SPIN4: variants seen among roughly 807,000 people sequenced by gnomAD.
SPIN4 encodes spindlin-4.
Under a neutral mutation model 10.4 loss-of-function variants are expected in SPIN4, and 4 were observed. The ratio of observed to expected loss-of-function variants is 0.38; its 90% CI spans 0.19 to 0.88. The LOEUF (loss-of-function observed/expected upper bound fraction) is 0.88. Ranked by LOEUF, SPIN4 falls within the 40% of genes least tolerant of loss-of-function variation. The pLI, the probability that SPIN4 is intolerant of heterozygous loss-of-function variation, is 0.40. For missense variants in SPIN4, 126 were observed against 198.7 expected (o/e 0.63, Z 2.20); for synonymous variants, 71 against 78.4 (o/e 0.91, Z 0.50).
In SPIN4 at chrX:63,347,384, G is replaced by C. The variant is rs1337826634; in HGVS notation, c.*2686C>G. 3.7e-4 allele frequency: 41 copies of C among 111,754 alleles called. No homozygotes were observed. The highest frequency in any genetic ancestry group is 1.3e-3 in the African/African-American group (41 of 30,817). The allele number at this position is 111,754 out of a possible 1,213,427, so 9.2% of individuals were successfully genotyped here. On this transcript the variant is annotated 3_prime_UTR_variant, in exon 1 of 1. Coordinates refer to ENST00000374884, the MANE Select transcript of SPIN4 (RefSeq NM_001012968.3). ...AGAACTTTTAACTTTGTATGTCACA[G>C]AGAATGTATATACCTTTTTAATAAA...
In SPIN4 at chrX:63,350,220, G is replaced by A. The variant is rs1160307389; in HGVS notation, c.600C>T (p.Leu200=). ...EQEPGEVVDS[L]VGKQVEHAKD... ...TGGCATGCTCCACCTGCTTGCCCAC[G>A]AGACTGTCGACCACCTCTCCAGGCT... Residue 200 remains leucine, a synonymous_variant, in exon 1 of 1, where the codon CTC becomes CTT. Coordinates refer to ENST00000374884, the MANE Select transcript of SPIN4 (RefSeq NM_001012968.3). 20 of 1,209,545 alleles carry A rather than the reference G, an allele frequency of 1.7e-5. No homozygotes were observed. Among genetic ancestry groups the A allele is most frequent in the Non-Finnish European group, 2.2e-5 (20 of 895,071 alleles).
chrX:63,350,943 C>G lies in SPIN4; in HGVS notation c.-124G>C. 4.5e-6 allele frequency: 4 copies of G among 884,033 alleles called. No individual in the cohort carries two copies. Among genetic ancestry groups the G allele is most frequent in the Non-Finnish European group, 6.2e-6 (4 of 649,411 alleles). The allele number at this position is 884,033 out of a possible 1,213,427, so 72.9% of individuals were successfully genotyped here. A position where few individuals can be genotyped will look rare whatever the true frequency, so the allele number is the denominator to read the frequency against. ...ATCTCAAAGACCTGGTCTGTGCTCC[C>G]TTCTCCAAGTGCAAGGCTCTCACCA... On this transcript the variant is annotated 5_prime_UTR_variant, in exon 1 of 1. Coordinates refer to ENST00000374884, the MANE Select transcript of SPIN4 (RefSeq NM_001012968.3).
chrX:63,350,974 T>C lies in SPIN4; in HGVS notation c.-155A>G. The stretch of plus-strand genomic sequence containing the variant: ...CAAGTGCAAGGCTCTCACCAAGGTT[T>C]TGGCAGAAACGCTCGAACTCTAACC... On this transcript the variant is annotated 5_prime_UTR_variant, in exon 1 of 1. Coordinates refer to ENST00000374884, the MANE Select transcript of SPIN4 (RefSeq NM_001012968.3). 1 of 682,834 alleles carries C rather than the reference T, an allele frequency of 1.5e-6. No individual in the cohort carries two copies. The highest frequency in any genetic ancestry group is 2.1e-6 in the Non-Finnish European group (1 of 471,276). 56.3% of individuals were successfully genotyped at this position (682,834 alleles called of 1,213,427 possible). A position where few individuals can be genotyped will look rare whatever the true frequency, so the allele number is the denominator to read the frequency against.
rs186348587 is a variant in SPIN4 at position 63,347,489 on chromosome X, G to T, written c.*2581C>A. On this transcript the variant is annotated 3_prime_UTR_variant, in exon 1 of 1. Coordinates refer to ENST00000374884, the MANE Select transcript of SPIN4 (RefSeq NM_001012968.3). The stretch of plus-strand genomic sequence containing the variant: ...ACTATTAAAAGTGTCATCAGGATTA[G>T]ATTGTTTTACACTTTGTCCTAGCTA... 1 of 112,044 alleles carries T rather than the reference G, an allele frequency of 8.9e-6. No homozygotes were observed. The highest frequency in any genetic ancestry group is 1.9e-5 in the Non-Finnish European group (1 of 53,080). 9.2% of individuals were successfully genotyped at this position (112,044 alleles called of 1,213,427 possible).
chrX:63,348,508 A>G lies in SPIN4; in HGVS notation c.*1562T>C, dbSNP rs1932959984. On this transcript the variant is annotated 3_prime_UTR_variant, in exon 1 of 1. Coordinates refer to ENST00000374884, the MANE Select transcript of SPIN4 (RefSeq NM_001012968.3). ...AGAGCCCTCTAAACAAAAATGCAGGATTTTAATTGTGATGTCAGCCATCAT... is the reference window on the plus strand; with the variant it reads ...AGAGCCCTCTAAACAAAAATGCAGGGTTTTAATTGTGATGTCAGCCATCAT... The G allele has an allele frequency of 1.8e-5, 2 of 110,772 alleles. No homozygotes were observed. Among genetic ancestry groups the G allele is most frequent in the Admixed American group, 1.9e-4 (2 of 10,450 alleles). The allele number at this position is 110,772 out of a possible 1,213,427, so 9.1% of individuals were successfully genotyped here.
In SPIN4 at chrX:63,348,622, A is replaced by C. The variant is rs1408538481; in HGVS notation, c.*1448T>G. 9.0e-6 allele frequency: 1 copy of C among 110,630 alleles called. No individual in the cohort carries two copies. The allele number at this position is 110,630 out of a possible 1,213,427, so 9.1% of individuals were successfully genotyped here. On this transcript the variant is annotated 3_prime_UTR_variant, in exon 1 of 1. Transcript: ENST00000374884. ...ATATTATATAAAGAAAAAAAAAACT[A>C]ATGAAGTGGGACTTGCTTTATCGGA... is the stretch of plus-strand genomic sequence containing the variant.
rs1488908616 is a variant in SPIN4 at position 63,350,296 on chromosome X, T to C, written c.524A>G (p.Asp175Gly). 1 of 1,209,305 alleles carries C rather than the reference T, an allele frequency of 8.3e-7. No individual in the cohort carries two copies. The highest frequency in any genetic ancestry group is 1.1e-6 in the Non-Finnish European group (1 of 895,198). The change falls in exon 1 of 1, where the codon GAC (aspartate) becomes GGC (glycine). Residue 175 changes from aspartate (D) to glycine (G), a missense_variant. Asp to Gly is a moderately conservative substitution (Grantham distance 94). Coordinates refer to ENST00000374884, the MANE Select transcript of SPIN4 (RefSeq NM_001012968.3). ...GTTGGAATCTGGAATAATGCGTAAG[T>C]CACCATCTTTGTAGTCATCAAGCAG... ...YTLLDDYKDGDLRIIPDSNYY... is the reference protein window; with the variant it reads ...YTLLDDYKDGGLRIIPDSNYY...
chrX:63,348,987 TA>T lies in SPIN4; in HGVS notation c.*1082del, dbSNP rs1337828956. On this transcript the variant is annotated 3_prime_UTR_variant, in exon 1 of 1. Coordinates refer to ENST00000374884, the MANE Select transcript of SPIN4 (RefSeq NM_001012968.3). ...ATTTTAAAGGAAAATATATCATCAATAAAGTCAAGATGAAAACGTCATAACA... is the reference window on the plus strand; with the variant it reads ...ATTTTAAAGGAAAATATATCATCAATAAGTCAAGATGAAAACGTCATAACA... 1 of 111,850 alleles carries T rather than the reference TA, an allele frequency of 8.9e-6. No individual in the cohort carries two copies. The highest frequency in any genetic ancestry group is 1.9e-5 in the Non-Finnish European group (1 of 53,123). The allele number at this position is 111,850 out of a possible 1,213,427, so 9.2% of individuals were successfully genotyped here.
In SPIN4 at chrX:63,348,156, G is replaced by A. The variant is rs186214876; in HGVS notation, c.*1914C>T. On this transcript the variant is annotated 3_prime_UTR_variant, in exon 1 of 1. Transcript: ENST00000374884. ...TAAGAGGAAATAAAATGATCTATAT[G>A]TTCAGGTGAAATAATTTCATATCTA... The A allele has an allele frequency of 2.7e-5, 3 of 111,107 alleles. No homozygotes were observed. The East Asian group carries it at 8.4e-4, about 31-fold the overall frequency. The allele number at this position is 111,107 out of a possible 1,213,427, so 9.2% of individuals were successfully genotyped here. A position where few individuals can be genotyped will look rare whatever the true frequency, so the allele number is the denominator to read the frequency against.
Position 63,349,697 on chromosome X carries a change from T to C in SPIN4, c.*373A>G. 1 of 136,575 alleles carries C rather than the reference T, an allele frequency of 7.3e-6. No individual in the cohort carries two copies. The highest frequency in any genetic ancestry group is 2.1e-4 in the East Asian group (1 of 4,836). The allele number at this position is 136,575 out of a possible 1,213,427, so 11.3% of individuals were successfully genotyped here. ...GGGGAAAATAGGTGGAAGGATGTACTTCGCATCCTCAACACTTGTTTTCTG... is the reference window on the plus strand; with the variant it reads ...GGGGAAAATAGGTGGAAGGATGTACCTCGCATCCTCAACACTTGTTTTCTG... On this transcript the variant is annotated 3_prime_UTR_variant, in exon 1 of 1. Transcript: ENST00000374884.
rs781948547 is a variant in SPIN4, at chrX:63,349,400, A to T, written c.*670T>A. 8.9e-6 allele frequency: 1 copy of T among 112,089 alleles called. No individual in the cohort carries two copies. Among genetic ancestry groups the T allele is most frequent in the Admixed American group, 9.5e-5 (1 of 10,501 alleles). The allele number at this position is 112,089 out of a possible 1,213,427, so 9.2% of individuals were successfully genotyped here. ...TACAGCAGTGTTATTTTGAAAAAAA[A>T]TAAAAAAAGGAAATAAAAGACGATC... On this transcript the variant is annotated 3_prime_UTR_variant, in exon 1 of 1. Coordinates refer to ENST00000374884, the MANE Select transcript of SPIN4 (RefSeq NM_001012968.3).
rs1427098147 is a variant in SPIN4, at chrX:63,349,809, C to T, written c.*261G>A. The T allele has an allele frequency of 3.2e-6, 1 of 311,524 alleles. No individual in the cohort carries two copies. Among genetic ancestry groups the T allele is most frequent in the Non-Finnish European group, 5.5e-6 (1 of 180,450 alleles). The allele number at this position is 311,524 out of a possible 1,213,427, so 25.7% of individuals were successfully genotyped here. On this transcript the variant is annotated 3_prime_UTR_variant, in exon 1 of 1. Coordinates refer to ENST00000374884, the MANE Select transcript of SPIN4 (RefSeq NM_001012968.3). ...TTTCTTAATCTATTTTTGCATTGTT[C>T]CAATGGTTGCAAACACTTTTTAATT...
rs1338347940 is a variant in SPIN4, at chrX:63,348,147, G to T, written c.*1923C>A. 9.0e-6 allele frequency: 1 copy of T among 110,884 alleles called. No homozygotes were observed. Among genetic ancestry groups the T allele is most frequent in the Non-Finnish European group, 1.9e-5 (1 of 52,754 alleles). 9.1% of individuals were successfully genotyped at this position (110,884 alleles called of 1,213,427 possible). ...TATAAACATTAAGAGGAAATAAAATGATCTATATGTTCAGGTGAAATAATT... is the reference window on the plus strand; with the variant it reads ...TATAAACATTAAGAGGAAATAAAATTATCTATATGTTCAGGTGAAATAATT... On this transcript the variant is annotated 3_prime_UTR_variant, in exon 1 of 1. Coordinates refer to ENST00000374884, the MANE Select transcript of SPIN4 (RefSeq NM_001012968.3).
In SPIN4 at chrX:63,348,474, T is replaced by C. The variant is rs1932959308; in HGVS notation, c.*1596A>G. ...AAGACTCTTGAGTGCTAAGATTTAATATTATTAAAGAGCCCTCTAAACAAA... is the reference window on the plus strand; with the variant it reads ...AAGACTCTTGAGTGCTAAGATTTAACATTATTAAAGAGCCCTCTAAACAAA... On this transcript the variant is annotated 3_prime_UTR_variant, in exon 1 of 1. Transcript: ENST00000374884. 2.7e-5 allele frequency: 3 copies of C among 111,109 alleles called. No homozygotes were observed. The South Asian group carries it at 1.1e-3, about 41-fold the overall frequency. 9.2% of individuals were successfully genotyped at this position (111,109 alleles called of 1,213,427 possible).
chrX:63,350,528 G>T lies in SPIN4; in HGVS notation c.292C>A (p.Leu98Ile). The T allele has an allele frequency of 3.3e-6, 4 of 1,211,509 alleles. No homozygotes were observed. The highest frequency in any genetic ancestry group is 4.5e-6 in the Non-Finnish European group (4 of 895,414). The change falls in exon 1 of 1, where the codon CTA becomes ATA. Residue 98 changes from leucine to isoleucine, a missense_variant. By Grantham distance (5) the Leu-to-Ile change is conservative. Transcript: ENST00000374884. Reference protein sequence around the residue: ...ELHRDKRVLALEILPERVPTP... With the variant: ...ELHRDKRVLAIEILPERVPTP... ...GGCACTCTCTCAGGAAGGATCTCTAGCGCTAAAACTCTCTTATCGCGGTGC... is the reference window on the plus strand; with the variant it reads ...GGCACTCTCTCAGGAAGGATCTCTATCGCTAAAACTCTCTTATCGCGGTGC...
In SPIN4 at chrX:63,350,258, T is replaced by A; in HGVS notation, c.562A>T (p.Thr188Ser). 1 of 1,211,170 alleles carries A rather than the reference T, an allele frequency of 8.3e-7. No individual in the cohort carries two copies. Among genetic ancestry groups the A allele is most frequent in the Non-Finnish European group, 1.1e-6 (1 of 895,276 alleles). ...IIPDSNYYFPTAEQEPGEVVD... is the reference protein window; with the variant it reads ...IIPDSNYYFPSAEQEPGEVVD... ...ACCTCTCCAGGCTCCTGTTCTGCTG[T>A]AGGGAAATAGTAGTTGGAATCTGGA... is the stretch of plus-strand genomic sequence containing the variant. Residue 188 changes from threonine (T) to serine (S), a missense_variant, in exon 1 of 1, where the codon ACA becomes TCA. By Grantham distance (58) the Thr-to-Ser change is moderately conservative. Coordinates refer to ENST00000374884, the MANE Select transcript of SPIN4 (RefSeq NM_001012968.3).
chrX:63,350,223 A>G lies in SPIN4; in HGVS notation c.597T>C (p.Ser199=), dbSNP rs1556016486. The G allele has an allele frequency of 8.3e-7, 1 of 1,211,111 alleles. No homozygotes were observed. Among genetic ancestry groups the G allele is most frequent in the Non-Finnish European group, 1.1e-6 (1 of 895,149 alleles). ...AEQEPGEVVD[S]LVGKQVEHAK... ...CATGCTCCACCTGCTTGCCCACGAG[A>G]CTGTCGACCACCTCTCCAGGCTCCT... is the stretch of plus-strand genomic sequence containing the variant. Residue 199 remains serine (S), a synonymous_variant, in exon 1 of 1, where the codon AGT becomes AGC. Coordinates refer to ENST00000374884, the MANE Select transcript of SPIN4 (RefSeq NM_001012968.3).
rs1387507939 is a variant in SPIN4 at position 63,348,203 on chromosome X, C to T, written c.*1867G>A. 9.0e-6 allele frequency: 1 copy of T among 110,588 alleles called. No individual in the cohort carries two copies. Among genetic ancestry groups the T allele is most frequent in the Admixed American group, 9.6e-5 (1 of 10,415 alleles). 9.1% of individuals were successfully genotyped at this position (110,588 alleles called of 1,213,427 possible). On this transcript the variant is annotated 3_prime_UTR_variant, in exon 1 of 1. Coordinates refer to ENST00000374884, the MANE Select transcript of SPIN4 (RefSeq NM_001012968.3). ...TCTAGAAAACCCAAAATATTATATT[C>T]TTAAAAATCTACTGTAATTTCAATG...
Position 63,351,320 on chromosome X carries a change from TTGGCTTCACTC to T in SPIN4, c.-512_-502del, listed in dbSNP as rs1932995981. 1 of 115,632 alleles carries T rather than the reference TTGGCTTCACTC, an allele frequency of 8.6e-6. No homozygotes were observed. Among genetic ancestry groups the T allele is most frequent in the African/African-American group, 3.2e-5 (1 of 31,064 alleles). The allele number at this position is 115,632 out of a possible 1,213,427, so 9.5% of individuals were successfully genotyped here. ...CCTGGGCTTCGCAGCGCTAGCTGGC[TTGGCTTCACTC>T]TGGCGACCGGGTCTTTGCGGCGCAG... On this transcript the variant is annotated 5_prime_UTR_variant, in exon 1 of 1. Coordinates refer to ENST00000374884, the MANE Select transcript of SPIN4 (RefSeq NM_001012968.3).
Sources: gnomAD v4.1 joint callset for allele counts on GRCh38, gnomAD v4.1.1 for gene constraint, MANE v1.5 for transcripts, NCBI Gene and HGNC (gene_info 2026-07-23, HGNC 2026-07-21) for gene names.